Variants in GALNT13 observed in about 807,000 individuals in gnomAD.
GALNT13 encodes the protein polypeptide N-acetylgalactosaminyltransferase 13, also known as UDP-GalNAc:polypeptide N-acetylgalactosaminyltransferase 13.
A neutral mutation model predicts 64.2 loss-of-function variants in GALNT13; 28 were observed. The observed-to-expected ratio is 0.44, with a 90% CI of 0.32 to 0.60. The LOEUF (loss-of-function observed/expected upper bound fraction) is 0.60. Ranked by LOEUF, GALNT13 falls within the 20% of genes least tolerant of loss-of-function variation. The pLI, the probability that GALNT13 is intolerant of heterozygous loss-of-function variation, is 0.05. For synonymous variants in GALNT13, 214 were observed against 224.6 expected, an observed-to-expected ratio of 0.95 and a Z score of 0.42; for missense variants, 577 against 669.8, an observed-to-expected ratio of 0.86 and a Z score of 1.53.
chr2:153,210,226 G>A, the GALNT13 span, among the ~76,000 whole-genome samples: 4 of 152,110 alleles, frequency 2.6e-5, no homozygotes, highest in African/African-American at 9.7e-5. Context: ...AATAGAAGTA[G>A]TAAGAGAGGA....
chr2:153,516,408 CTT>C, the GALNT13 span, among the ~76,000 whole-genome samples: 1 of 152,122 alleles, frequency 6.6e-6, no homozygotes, highest in African/African-American at 2.4e-5. Flanking sequence ...AGTTAGGAGA[CTT>C]TGCAACAGCT....
the GALNT13 span, among the ~76,000 whole-genome samples, chr2:153,399,378 T>G: frequency 6.6e-6 from 1 of 152,228 alleles, no homozygotes; most frequent in African/African-American, 2.4e-5. Context: ...GCTTTGTTCT[T>G]TTCGCTTAGG....
chr2:154,406,190 A>T (rs1574248210), intron 10 of GALNT13, among the ~76,000 whole-genome samples: 1 of 152,256 alleles, frequency 6.6e-6, no homozygotes, highest in East Asian at 1.9e-4. Flanking sequence ...CTCACATTCG[A>T]TTCAATGGAA....
In GALNT13 at chr2:154,019,672, CAT is replaced by C. The variant is rs1303593355; in HGVS notation, c.142+75034_142+75035del. 1.7e-4 allele frequency among the ~76,000 whole-genome samples: 24 copies of C among 143,346 alleles called. 1 individual carries two copies. The highest frequency in any genetic ancestry group is 4.9e-4 in the East Asian group (2 of 4,094). The allele number at this position is 143,346 out of a possible 152,430, so 94.0% of individuals were successfully genotyped here. Reference sequence around the variant, plus strand: ...CACACACAAAAGCAAGAAAAATGCACATGTTTAAATGATTTTTTGTTTTTTTT... The same window carrying C: ...CACACACAAAAGCAAGAAAAATGCACGTTTAAATGATTTTTTGTTTTTTTT... On this transcript the variant is annotated intron_variant, in intron 3 of 12. Transcript: ENST00000392825.
chr2:153,325,182 T>C, the GALNT13 span, among the ~76,000 whole-genome samples: 3 of 147,982 alleles, frequency 2.0e-5, no homozygotes, highest in African/African-American at 7.5e-5. Context: ...CAGAACTTGT[T>C]ATTGCTCTAT....
At chr2:154,259,528 A>G (rs1195550967) in intron 8 of GALNT13, among the ~76,000 whole-genome samples, 1 of 152,154 alleles carries the variant, frequency 6.6e-6, no homozygotes. Context: ...GTTCTCAGAA[A>G]ACTTTAAGAA....
the GALNT13 span, among the ~76,000 whole-genome samples, chr2:153,593,960 C>T: frequency 2.6e-5 from 4 of 151,884 alleles, no homozygotes; most frequent in African/African-American, 4.8e-5. Context: ...AATAACTTGC[C>T]GTAAAATAAT....
At chr2:153,106,723 C>G in the GALNT13 span, among the ~76,000 whole-genome samples, 1 of 152,206 alleles carries the variant, frequency 6.6e-6, no homozygotes, top group South Asian at 2.1e-4. Context: ...GAAGGATATT[C>G]TTTATGACTT....
At chr2:154,323,017 C>G (rs1266144949) in intron 9 of GALNT13, among the ~76,000 whole-genome samples, 1 of 151,874 alleles carries the variant, frequency 6.6e-6, no homozygotes, top group African/African-American at 2.4e-5. Flanking sequence ...AACCTGGCTT[C>G]CCCTAGAGCA....
At chr2:153,619,066 T>C in the GALNT13 span, among the ~76,000 whole-genome samples, 1 of 151,962 alleles carries the variant, frequency 6.6e-6, no homozygotes, top group Non-Finnish European at 1.5e-5. Context: ...CATTTTGTTA[T>C]ATTTCTGGTT....
intron 3 of GALNT13, among the ~76,000 whole-genome samples, chr2:153,997,634 G>A (rs750976254): frequency 3.3e-5 from 5 of 152,008 alleles, no homozygotes; most frequent in Non-Finnish European, 7.4e-5. Context: ...GACAATTTAA[G>A]TTCCTTTTTA....
intron 1 of GALNT13, among the ~76,000 whole-genome samples, chr2:153,883,561 A>C (rs34732934): frequency 0.053 from 8,054 of 152,196 alleles, 304 homozygotes; most frequent in South Asian, 0.11. Flanking sequence ...TATGGTTAAG[A>C]AAAACAGAAA....
intron 1 of GALNT13, among the ~76,000 whole-genome samples, chr2:153,894,222 A>G (rs528611889): frequency 6.6e-6 from 1 of 152,244 alleles, no homozygotes; most frequent in Admixed American, 6.6e-5. Context: ...CAGACAACCC[A>G]CTTGAATCTC....
chr2:153,470,679 A>C, the GALNT13 span, among the ~76,000 whole-genome samples: 1 of 152,172 alleles, frequency 6.6e-6, no homozygotes, highest in Non-Finnish European at 1.5e-5. Context: ...TTAATTTAAA[A>C]TTAGCTTAAG....
the GALNT13 span, among the ~76,000 whole-genome samples, chr2:153,384,548 T>C: frequency 6.6e-6 from 1 of 152,008 alleles, no homozygotes; most frequent in Non-Finnish European, 1.5e-5. Flanking sequence ...CAACTGATTG[T>C]TGCCATTTGG....
chr2:154,010,681 T>C (rs1263298110), intron 3 of GALNT13, among the ~76,000 whole-genome samples: 1 of 152,156 alleles, frequency 6.6e-6, no homozygotes, highest in Non-Finnish European at 1.5e-5. Flanking sequence ...GTGGTTCATA[T>C]ATCTGGTAGA....
chr2:153,597,829 C>G, the GALNT13 span, among the ~76,000 whole-genome samples: 46,667 of 151,742 alleles, frequency 0.31, 7,613 homozygotes, highest in South Asian at 0.44. Context: ...CCAATAGGCA[C>G]ATGGAAAGAT....
At chr2:153,355,193 A>C in the GALNT13 span, among the ~76,000 whole-genome samples, 1 of 152,182 alleles carries the variant, frequency 6.6e-6, no homozygotes, top group Non-Finnish European at 1.5e-5. Context: ...TTGTCAGTAA[A>C]TCTGGACAAA....
chr2:153,917,797 A>G (rs914550950), intron 2 of GALNT13, among the ~76,000 whole-genome samples: 14 of 152,186 alleles, frequency 9.2e-5, no homozygotes, highest in African/African-American at 3.1e-4. Context: ...CTTGGAGTCA[A>G]ACTAAAAGGT....
Sources: gnomAD v4.1 joint callset for allele counts (sites outside exome capture counted in the v4.1 genomes callset) on GRCh38, gnomAD v4.1.1 for gene constraint, MANE v1.5 for transcripts, NCBI Gene and HGNC (gene_info 2026-07-23, HGNC 2026-07-21) for gene names.